The following ACSS3 variants were observed in gnomAD, a reference collection of about 807,000 sequenced individuals.
ACSS3 encodes acyl-CoA synthetase short-chain family member 3, mitochondrial.
A neutral mutation model predicts 84.2 loss-of-function variants in ACSS3; 64 were observed. The observed-to-expected ratio is 0.76, with a 90% CI of 0.62 to 0.94. The LOEUF (loss-of-function observed/expected upper bound fraction) is 0.94, where lower values mean the gene tolerates loss of function less well. Ranked by LOEUF, ACSS3 falls within the 40% of genes least tolerant of loss-of-function variation. ACSS3 has a pLI of 0.00. For missense variants in ACSS3, 815 were observed against 867.6 expected (o/e 0.94, Z 0.76); for synonymous variants, 317 against 310.1 (o/e 1.02, Z -0.23).
rs1054323089 is a variant in ACSS3, at chr12:81,128,821, A to G, written c.457-5995A>G. 2.0e-5 allele frequency among the ~76,000 whole-genome samples: 3 copies of G among 152,216 alleles called. No individual in the cohort carries two copies. In the South Asian group the frequency reaches 6.2e-4, roughly 31 times the overall value. ...AATTTTCCACCTGAAGTTGATAAAAACTAGGTGAACCCTGAAATAGCAGTA... is the reference window on the plus strand; with the variant it reads ...AATTTTCCACCTGAAGTTGATAAAAGCTAGGTGAACCCTGAAATAGCAGTA... On this transcript the variant is annotated intron_variant, in intron 2 of 15. Transcript: ENST00000548058.
At chr12:81,244,757 A>G (rs1259490677) in intron 13 of ACSS3, among the ~76,000 whole-genome samples, 3 of 152,190 alleles carry the variant, frequency 2.0e-5, no homozygotes, top group South Asian at 2.1e-4. Context: ...CTCAGCTTAC[A>G]TTAATCATCT....
intron 13 of ACSS3, among the ~76,000 whole-genome samples, chr12:81,248,962 T>A (rs755830812): frequency 5.7e-4 from 86 of 152,180 alleles, no homozygotes; most frequent in Non-Finnish European, 1.3e-4. Context: ...AACTCTATTT[T>A]CTTTTCTGTT....
At chr12:81,121,915 A>ATATTAT (rs10527532) in intron 2 of ACSS3, among the ~76,000 whole-genome samples, 3,859 of 146,094 alleles carry the variant, frequency 0.026, 81 homozygotes, top group East Asian at 0.071. Flanking sequence ...AGAGTATGCT[A>ATATTAT]TATTATTATT....
At chr12:81,088,477 A>G (rs1881464867) in intron 1 of ACSS3, among the ~76,000 whole-genome samples, 1 of 152,106 alleles carries the variant, frequency 6.6e-6, no homozygotes, top group South Asian at 2.1e-4. Context: ...TCATAAAAAC[A>G]GCTGTTATGA....
Position 81,216,917 on chromosome 12 carries a change from T to A in ACSS3, c.1371T>A (p.Ile457=). The change falls in exon 10 of 16, where the codon ATT becomes ATA. Residue 457 remains isoleucine, a synonymous_variant. Coordinates refer to ENST00000548058, the MANE Select transcript of ACSS3 (RefSeq NM_024560.4). ...HWWQTETGSP[I]TASCVGLGNS... ...TTTTTCCAGAGACTGGATCTCCAATTACTGCGTCATGTGTTGGATTAGGCA... is the reference window on the plus strand; with the variant it reads ...TTTTTCCAGAGACTGGATCTCCAATAACTGCGTCATGTGTTGGATTAGGCA... 6.2e-7 allele frequency: 1 copy of A among 1,610,832 alleles called. No homozygotes were observed. The highest frequency in any genetic ancestry group is 8.5e-7 in the Non-Finnish European group (1 of 1,177,538).
At chr12:81,152,888 T>C (rs183816184) in intron 7 of ACSS3, among the ~76,000 whole-genome samples, 1 of 152,178 alleles carries the variant, frequency 6.6e-6, no homozygotes, top group Admixed American at 6.5e-5. Context: ...CTTGGGTTAG[T>C]TGTAGTTTAT....
intron 2 of ACSS3, among the ~76,000 whole-genome samples, chr12:81,112,848 G>T (rs919942899): frequency 6.6e-6 from 1 of 152,078 alleles, no homozygotes; most frequent in African/African-American, 2.4e-5. Flanking sequence ...AAATTTGTCT[G>T]TATTTATTAT....
chr12:81,151,598 G>T, intron 5 of ACSS3: 1 of 341,630 alleles, frequency 2.9e-6, no homozygotes. Flanking sequence ...GTTTTCTTTA[G>T]AAGACTAATA....
intron 2 of ACSS3, among the ~76,000 whole-genome samples, chr12:81,128,326 A>C (rs1017713484): frequency 2.9e-4 from 44 of 152,178 alleles, no homozygotes; most frequent in African/African-American, 1.1e-3. Context: ...ATGTGTTAAA[A>C]TGGCTTTAAA....
intron 7 of ACSS3, among the ~76,000 whole-genome samples, chr12:81,167,604 G>C (rs966430570): frequency 6.6e-6 from 1 of 152,220 alleles, no homozygotes; most frequent in South Asian, 2.1e-4. Flanking sequence ...AAGAACAGAA[G>C]GACAAAAGAG....
At chr12:81,091,021 G>A (rs1173984053) in intron 1 of ACSS3, among the ~76,000 whole-genome samples, 1 of 151,808 alleles carries the variant, frequency 6.6e-6, no homozygotes, top group Non-Finnish European at 1.5e-5. Context: ...TTGGTATACT[G>A]TATTTTTCAA....
rs537020384 is a variant in ACSS3, at chr12:81,175,780, G to C, written c.1250+841G>C. ...TTGGGTAAACAATGAAATTAAGGTAGAAATCAAGAAATCCTTTGAACTGAA... is the reference window on the plus strand; with the variant it reads ...TTGGGTAAACAATGAAATTAAGGTACAAATCAAGAAATCCTTTGAACTGAA... On this transcript the variant is annotated intron_variant, in intron 8 of 15. Transcript: ENST00000548058. Among the ~76,000 whole-genome samples the C allele has an allele frequency of 1.8e-3, 275 of 152,224 alleles. 1 individual carries two copies. Among genetic ancestry groups the C allele is most frequent in the Admixed American group, 5.1e-3 (78 of 15,290 alleles).
At chr12:81,232,592 A>G (rs1220647156) in intron 12 of ACSS3, among the ~76,000 whole-genome samples, 1 of 151,682 alleles carries the variant, frequency 6.6e-6, no homozygotes, top group African/African-American at 2.4e-5. Context: ...TTTCATTTAT[A>G]TACACTGTTT....
intron 1 of ACSS3, among the ~76,000 whole-genome samples, chr12:81,108,699 C>CT (rs1883301489): frequency 6.6e-6 from 1 of 152,110 alleles, no homozygotes; most frequent in Non-Finnish European, 1.5e-5. Flanking sequence ...TTAACAAGAG[C>CT]TTTTTTATTT....
intron 3 of ACSS3, among the ~76,000 whole-genome samples, chr12:81,138,776 G>A (rs1177816624): frequency 1.3e-5 from 2 of 152,150 alleles, no homozygotes; most frequent in Non-Finnish European, 2.9e-5. Context: ...CTCAGCAGCA[G>A]CCAGCTCTTA....
intron 8 of ACSS3, among the ~76,000 whole-genome samples, chr12:81,197,523 C>T (rs1194571166): frequency 6.6e-6 from 1 of 152,150 alleles, no homozygotes; most frequent in Non-Finnish European, 1.5e-5. Context: ...CTTTAATCAA[C>T]AAGTCACAGA....
At chr12:81,162,685 A>T (rs1366296531) in intron 7 of ACSS3, among the ~76,000 whole-genome samples, 1 of 152,004 alleles carries the variant, frequency 6.6e-6, no homozygotes, top group Non-Finnish European at 1.5e-5. Context: ...TGCTGTCATT[A>T]ACATGTTGTC....
chr12:81,244,186 C>G (rs577796322), intron 13 of ACSS3, among the ~76,000 whole-genome samples: 8 of 152,206 alleles, frequency 5.3e-5, no homozygotes, highest in African/African-American at 1.7e-4. Flanking sequence ...GCTCCACTCT[C>G]TTCTTGTTTA....
Position 81,151,939 on chromosome 12 carries a change from A to G in ACSS3, c.1002+15A>G. On this transcript the variant is annotated intron_variant, in intron 6 of 15. Coordinates refer to ENST00000548058, the MANE Select transcript of ACSS3 (RefSeq NM_024560.4). ...AACCCGGAGAGGTAATCGTGGTTTTAAATTTACATTACATGACATTCTCTG... is the reference window on the plus strand; with the variant it reads ...AACCCGGAGAGGTAATCGTGGTTTTGAATTTACATTACATGACATTCTCTG... The G allele has an allele frequency of 6.2e-7, 1 of 1,613,658 alleles. No homozygotes were observed.
Sources: allele counts gnomAD v4.1 joint callset (sites outside exome capture counted in the v4.1 genomes callset), GRCh38; gene constraint gnomAD v4.1.1; transcripts MANE v1.5; gene names NCBI Gene and HGNC (gene_info 2026-07-23, HGNC 2026-07-21).